Variants in CDK8 observed in about 807,000 individuals in gnomAD.
The protein encoded by CDK8 is cyclin-dependent kinase 8.
In CDK8, 29 loss-of-function variants were observed where a neutral mutation model predicts 71.5. The observed-to-expected ratio is 0.41, with a 90% CI of 0.30 to 0.55. The LOEUF is 0.55. CDK8 is among the 20% of genes least tolerant of loss of function. The pLI is 0.37. For missense variants in CDK8, 288 were observed against 572.6 expected, an observed-to-expected ratio of 0.50 and a Z score of 5.07; for synonymous variants, 161 against 192.1, an observed-to-expected ratio of 0.84 and a Z score of 1.34.
intron 1 of CDK8, among the ~76,000 whole-genome samples, chr13:26,272,245 A>T (rs1455312473): frequency 6.6e-6 from 1 of 152,040 alleles, no homozygotes; most frequent in Non-Finnish European, 1.5e-5. Flanking sequence ...TAATCCCAAC[A>T]CTTCGGGAGG....
At chr13:26,302,279 C>T (rs1792570472) in intron 1 of CDK8, among the ~76,000 whole-genome samples, 1 of 152,212 alleles carries the variant, frequency 6.6e-6, no homozygotes, top group South Asian at 2.1e-4. Context: ...TCTTCCAAAA[C>T]TTATAACATC....
rs187170517 is a variant in CDK8, at chr13:26,373,416, C to T, written c.457-9398C>T. On this transcript the variant is annotated intron_variant, in intron 4 of 12. Transcript: ENST00000381527. ...CACTAACTGCTGGACATAATTACAG[C>T]CTTTCTAGAAAGCAAGAATTATCAA... Among the ~76,000 whole-genome samples, 589 of 152,030 alleles carry T rather than the reference C, an allele frequency of 3.9e-3. 7 individuals are homozygous for T. The highest frequency in any genetic ancestry group is 0.033 in the South Asian group (159 of 4,804).
intron 1 of CDK8, among the ~76,000 whole-genome samples, chr13:26,311,719 C>T (rs1874291755): frequency 6.7e-6 from 1 of 149,562 alleles, no homozygotes; most frequent in African/African-American, 2.5e-5. Flanking sequence ...CCTGCTCTCC[C>T]TCTCATTCTC....
intron 4 of CDK8, among the ~76,000 whole-genome samples, chr13:26,375,195 G>A (rs189366979): frequency 1.3e-5 from 2 of 152,164 alleles, no homozygotes; most frequent in African/African-American, 4.8e-5. Flanking sequence ...ACTCCAGAAC[G>A]TTTAAAGTGA....
At chr13:26,348,103 T>G (rs1034847012) in intron 2 of CDK8, among the ~76,000 whole-genome samples, 1 of 151,926 alleles carries the variant, frequency 6.6e-6, no homozygotes. Context: ...GATATATATA[T>G]AGATATGCAT....
intron 1 of CDK8, among the ~76,000 whole-genome samples, chr13:26,287,397 G>T (rs1218841013): frequency 6.6e-6 from 1 of 152,192 alleles, no homozygotes; most frequent in East Asian, 1.9e-4. Context: ...CCATAAAAAG[G>T]AATGAAATAA....
intron 1 of CDK8, among the ~76,000 whole-genome samples, chr13:26,303,382 C>T (rs1873904401): frequency 6.6e-6 from 1 of 152,088 alleles, no homozygotes; most frequent in African/African-American, 2.4e-5. Context: ...TTTGTTGCAA[C>T]CTCCGCCTCC....
At chr13:26,309,285 G>A (rs369135266) in intron 1 of CDK8, among the ~76,000 whole-genome samples, 208 of 151,926 alleles carry the variant, frequency 1.4e-3, no homozygotes, top group East Asian at 4.9e-3. Flanking sequence ...GACTATAGGC[G>A]CCTGCCACCA....
At chr13:26,296,558 T>C (rs1018687157) in intron 1 of CDK8, among the ~76,000 whole-genome samples, 1 of 152,176 alleles carries the variant, frequency 6.6e-6, no homozygotes, top group African/African-American at 2.4e-5. Flanking sequence ...TGATATCAGG[T>C]ACTGTCCTGA....
intron 1 of CDK8, among the ~76,000 whole-genome samples, chr13:26,330,323 G>A (rs955615632): frequency 5.3e-5 from 8 of 151,812 alleles, no homozygotes; most frequent in African/African-American, 1.5e-4. Flanking sequence ...CTCCTGCTTC[G>A]GCCTCCCTAG....
intron 1 of CDK8, among the ~76,000 whole-genome samples, chr13:26,296,748 C>T (rs187132469): frequency 2.6e-5 from 4 of 152,206 alleles, no homozygotes; most frequent in South Asian, 4.2e-4. Context: ...AAATTTGTAG[C>T]GCCAGTATCA....
At chr13:26,311,117 T>A (rs1299813582) in intron 1 of CDK8, among the ~76,000 whole-genome samples, 1 of 151,528 alleles carries the variant, frequency 6.6e-6, no homozygotes, top group Admixed American at 6.6e-5. Context: ...AACAAAATCT[T>A]GAAAATGGTA....
chr13:26,281,193 A>G (rs1234568981), intron 1 of CDK8, among the ~76,000 whole-genome samples: 2 of 152,210 alleles, frequency 1.3e-5, no homozygotes, highest in African/African-American at 2.4e-5. Context: ...AAGCCAGCAC[A>G]CTAAACATAT....
chr13:26,274,216 C>A (rs1872466816), intron 1 of CDK8, among the ~76,000 whole-genome samples: 1 of 144,004 alleles, frequency 6.9e-6, no homozygotes, highest in Admixed American at 6.6e-5. Context: ...TTTGTAATGT[C>A]TTTCATAATG....
chr13:26,292,669 T>C (rs966789111), intron 1 of CDK8, among the ~76,000 whole-genome samples: 2 of 152,182 alleles, frequency 1.3e-5, no homozygotes, highest in Non-Finnish European at 2.9e-5. Context: ...GATTTGTTAC[T>C]AAAAGGAGGA....
intron 1 of CDK8, among the ~76,000 whole-genome samples, chr13:26,331,677 T>A (rs1875321923): frequency 6.6e-6 from 1 of 152,230 alleles, no homozygotes; most frequent in Non-Finnish European, 1.5e-5. Context: ...GTTACTTATC[T>A]GTTTTTCTAC....
At chr13:26,348,327 G>C (rs564808324) in intron 2 of CDK8, among the ~76,000 whole-genome samples, 2 of 152,078 alleles carry the variant, frequency 1.3e-5, no homozygotes, top group African/African-American at 4.8e-5. Flanking sequence ...GCACCGGTAC[G>C]TTAGGAATTG....
At chr13:26,311,642 G>C (rs1448642114) in intron 1 of CDK8, among the ~76,000 whole-genome samples, 7 of 152,234 alleles carry the variant, frequency 4.6e-5, no homozygotes, top group Non-Finnish European at 4.4e-5. Flanking sequence ...AGTTACCACA[G>C]GCAGCGGGGC....
At chr13:26,320,221 G>A (rs1471083528) in intron 1 of CDK8, among the ~76,000 whole-genome samples, 2 of 151,632 alleles carry the variant, frequency 1.3e-5, no homozygotes, top group African/African-American at 2.4e-5. Flanking sequence ...GCAAAATGGC[G>A]AGACCTTGTC....
Sources: allele counts gnomAD v4.1 joint callset (sites outside exome capture counted in the v4.1 genomes callset), GRCh38; gene constraint gnomAD v4.1.1; transcripts MANE v1.5; gene names NCBI Gene and HGNC (gene_info 2026-07-23, HGNC 2026-07-21).